SETBP1: variants seen among roughly 807,000 people sequenced by gnomAD.
SETBP1 encodes SET-binding protein.
Under a neutral mutation model 101.0 loss-of-function variants are expected in SETBP1, and 9 were observed. That is an observed-to-expected ratio of 0.09 (90% CI 0.05 to 0.16). The LOEUF is 0.16. Ranked by LOEUF, SETBP1 falls within the 10% of genes least tolerant of loss-of-function variation. SETBP1 has a pLI of 1.00. For synonymous variants in SETBP1, 818 were observed against 788.5 expected, an observed-to-expected ratio of 1.04 and a Z score of -0.63; for missense variants, 1,858 against 2,033.8, an observed-to-expected ratio of 0.91 and a Z score of 1.66.
chr18:44,965,029 C>G (rs1375265850), intron 4 of SETBP1, among the ~76,000 whole-genome samples: 1 of 152,174 alleles, frequency 6.6e-6, no homozygotes, highest in East Asian at 1.9e-4. Context: ...CACCAGATTT[C>G]AAGTCTCAGG....
At chr18:44,965,317 C>G (rs1163151353) in intron 4 of SETBP1, among the ~76,000 whole-genome samples, 7 of 84,116 alleles carry the variant, frequency 8.3e-5, no homozygotes. Flanking sequence ...ACACACAGAT[C>G]ACTCAGAACA....
chr18:44,995,286 C>CA (rs957398333), intron 4 of SETBP1, among the ~76,000 whole-genome samples: 2 of 151,796 alleles, frequency 1.3e-5, no homozygotes, highest in African/African-American at 4.8e-5. Context: ...GGACTACAGG[C>CA]ACCTGCCACC....
intron 2 of SETBP1, among the ~76,000 whole-genome samples, chr18:44,801,538 A>G (rs1461612324): frequency 6.6e-6 from 1 of 152,160 alleles, no homozygotes; most frequent in Non-Finnish European, 1.5e-5. Context: ...CAGCAGTAGA[A>G]GCCTTGACTT....
At chr18:44,761,771 C>A (rs544089319) in intron 2 of SETBP1, among the ~76,000 whole-genome samples, 1 of 152,294 alleles carries the variant, frequency 6.6e-6, no homozygotes, top group South Asian at 2.1e-4. Flanking sequence ...TGTATATGAG[C>A]CTCGTGATAA....
At position 44,731,631 on chromosome 18, in the gene SETBP1, TACACAC is replaced by T. The variant is rs58199613; in HGVS notation, c.486+29816_486+29821del. On this transcript the variant is annotated intron_variant, in intron 2 of 5. Transcript: ENST00000649279. Reference sequence around the variant, plus strand: ...TTTAGAAGGGAGGAAAATGGTTCTTTACACACACACACACACACACACGCGCACGCA... The same window carrying T: ...TTTAGAAGGGAGGAAAATGGTTCTTTACACACACACACACACGCGCACGCA... Among the ~76,000 whole-genome samples, 11 of 149,848 alleles carry T rather than the reference TACACAC, an allele frequency of 7.3e-5. No individual in the cohort carries two copies. The South Asian group carries it at 8.5e-4, about 12-fold the overall frequency.
At chr18:45,053,777 A>G (rs538827203) in intron 5 of SETBP1, among the ~76,000 whole-genome samples, 5 of 151,968 alleles carry the variant, frequency 3.3e-5, no homozygotes, top group African/African-American at 9.6e-5. Context: ...TTTTTTTCAA[A>G]GTTTTAAAGA....
At chr18:44,953,695 A>T (rs2071419830) in intron 4 of SETBP1, among the ~76,000 whole-genome samples, 1 of 152,134 alleles carries the variant, frequency 6.6e-6, no homozygotes, top group Non-Finnish European at 1.5e-5. Flanking sequence ...AGCCTCTAAA[A>T]CTCATTAGGA....
chr18:44,731,226 T>C (rs1235318997), intron 2 of SETBP1, among the ~76,000 whole-genome samples: 1 of 152,198 alleles, frequency 6.6e-6, no homozygotes, highest in East Asian at 1.9e-4. Context: ...AGGCCCCTTA[T>C]GTATGACCCT....
chr18:45,006,984 G>A (rs2072742907), intron 4 of SETBP1, among the ~76,000 whole-genome samples: 1 of 152,176 alleles, frequency 6.6e-6, no homozygotes, highest in Admixed American at 6.5e-5. Flanking sequence ...CATCTCCCAT[G>A]GAGCTGTAGA....
chr18:44,884,914 C>T lies in SETBP1; in HGVS notation c.540+15631C>T, dbSNP rs115848790. Among the ~76,000 whole-genome samples the T allele has an allele frequency of 6.3e-3, 956 of 151,982 alleles. 10 individuals carry two copies. The highest frequency in any genetic ancestry group is 0.021 in the African/African-American group (876 of 41,444). On this transcript the variant is annotated intron_variant, in intron 3 of 5. Transcript: ENST00000649279. ...TCTTATTACATATGTCTGATTACTA[C>T]GGTAATACATAAGTATTGTAGAAAA...
At chr18:44,704,190 G>C (rs1002419120) in intron 2 of SETBP1, among the ~76,000 whole-genome samples, 4 of 152,180 alleles carry the variant, frequency 2.6e-5, no homozygotes, top group African/African-American at 9.7e-5. Context: ...GTACCATCGG[G>C]ATGATTTCAA....
At chr18:44,719,687 T>C (rs1206497603) in intron 2 of SETBP1, among the ~76,000 whole-genome samples, 1 of 152,250 alleles carries the variant, frequency 6.6e-6, no homozygotes, top group Admixed American at 6.5e-5. Flanking sequence ...CCTTTCCTTC[T>C]GGCTTCATTT....
intron 2 of SETBP1, among the ~76,000 whole-genome samples, chr18:44,708,356 T>A (rs2069265314): frequency 6.6e-6 from 1 of 152,204 alleles, no homozygotes; most frequent in Admixed American, 6.5e-5. Flanking sequence ...AACACCCTCA[T>A]CCTGACTTGG....
chr18:45,048,443 G>A (rs2073655069), intron 5 of SETBP1, among the ~76,000 whole-genome samples: 1 of 152,096 alleles, frequency 6.6e-6, no homozygotes, highest in Admixed American at 6.5e-5. Flanking sequence ...TTAGCCATGT[G>A]ATGACTTAGA....
intron 2 of SETBP1, among the ~76,000 whole-genome samples, chr18:44,815,914 C>T (rs1438197613): frequency 6.6e-6 from 1 of 152,192 alleles, no homozygotes; most frequent in Non-Finnish European, 1.5e-5. Flanking sequence ...GAGGACCCTC[C>T]CAGCTTCAAT....
At chr18:44,869,543 A>C (rs2069222823) in intron 3 of SETBP1, 1 of 479,366 alleles carries the variant, frequency 2.1e-6, no homozygotes, top group African/African-American at 2.0e-5. Flanking sequence ...AGATGCTCGG[A>C]ATGTTAAGTG....
At chr18:44,807,120 T>C (rs2071760813) in intron 2 of SETBP1, among the ~76,000 whole-genome samples, 1 of 152,150 alleles carries the variant, frequency 6.6e-6, no homozygotes, top group Admixed American at 6.6e-5. Flanking sequence ...TTTTTTTCTG[T>C]GGCAATCATT....
intron 2 of SETBP1, 112 bp from the exon 3 acceptor site, chr18:44,869,118 C>G: frequency 1.0e-6 from 1 of 968,988 alleles, no homozygotes; most frequent in South Asian, 1.3e-5. Flanking sequence ...TGCGATCCCA[C>G]TTCTGTAGCT....
intron 2 of SETBP1, among the ~76,000 whole-genome samples, chr18:44,840,823 A>G (rs1427180006): frequency 6.6e-6 from 1 of 152,244 alleles, no homozygotes; most frequent in Admixed American, 6.5e-5. Context: ...TAGAAATGTC[A>G]ATGCTGGGGC....
Sources: gnomAD v4.1 joint callset for allele counts (sites outside exome capture counted in the v4.1 genomes callset) on GRCh38, gnomAD v4.1.1 for gene constraint, MANE v1.5 for transcripts, NCBI Gene and HGNC (gene_info 2026-07-23, HGNC 2026-07-21) for gene names.